Variants in JADE2 observed in about 807,000 individuals in gnomAD.
JADE2 encodes E3 ubiquitin-protein ligase Jade-2.
A neutral mutation model predicts 85.7 loss-of-function variants in JADE2; 13 were observed. The observed-to-expected ratio is 0.15, with a 90% confidence interval of 0.10 to 0.24. The LOEUF (loss-of-function observed/expected upper bound fraction) is 0.24. Ranked by LOEUF, JADE2 falls within the 10% of genes least tolerant of loss-of-function variation. JADE2 has a pLI of 1.00. For missense variants in JADE2, 846 were observed against 1,115.9 expected, an observed-to-expected ratio of 0.76 and a Z score of 3.45; for synonymous variants, 440 against 456.1, an observed-to-expected ratio of 0.96 and a Z score of 0.45.
chr5:134,579,410 C>CACTCAG lies in JADE2; in HGVS notation c.*93_*94insACTCAG. The CACTCAG allele has an allele frequency of 3.0e-6, 3 of 1,016,836 alleles. No individual in the cohort carries two copies. Among genetic ancestry groups the CACTCAG allele is most frequent in the Non-Finnish European group, 4.2e-6 (3 of 715,224 alleles). 63.0% of individuals were successfully genotyped at this position (1,016,836 alleles called of 1,614,324 possible). On this transcript the variant is annotated 3_prime_UTR_variant, in exon 12 of 12. Transcript: ENST00000681547. The surrounding 1 kb of genome is among the most constrained non-coding windows in gnomAD (Gnocchi z 4.6). ...CCATTTCCAGTCTCTGCTGAGTGTC[C>CACTCAG]CAGACCCTCGAGGCTGCCACTCCGT...
At chr5:134,572,829 C>T (rs538827863) in intron 9 of JADE2, among the ~76,000 whole-genome samples, 106 of 152,332 alleles carry the variant, frequency 7.0e-4, no homozygotes, top group African/African-American at 2.4e-3. Flanking sequence ...TAAGAAGGGT[C>T]CATGTCCCAT....
chr5:134,557,040 A>ACACACAC (rs1434184586), intron 4 of JADE2, among the ~76,000 whole-genome samples: 4 of 50,502 alleles, frequency 7.9e-5, no homozygotes, highest in African/African-American at 2.5e-4. Flanking sequence ...CACACACACC[A>ACACACAC]CACACACACC....
At position 134,580,712 on chromosome 5, in the gene JADE2, C is replaced by G. The variant is rs1224662740; in HGVS notation, c.*1395C>G. The stretch of plus-strand genomic sequence containing the variant: ...GCCAAAGAATATTTTGACCATAATA[C>G]AGCACAGCCTGGACCTGACAACTTG... On this transcript the variant is annotated 3_prime_UTR_variant, in exon 12 of 12. Transcript: ENST00000681547. 1 of 152,498 alleles carries G rather than the reference C, an allele frequency of 6.6e-6. No individual in the cohort carries two copies. The highest frequency in any genetic ancestry group is 2.4e-5 in the African/African-American group (1 of 41,408). 9.4% of individuals were successfully genotyped at this position (152,498 alleles called of 1,614,324 possible).
At chr5:134,526,905 C>A (rs924566292) in intron 1 of JADE2, 15 of 398,664 alleles carry the variant, frequency 3.8e-5, no homozygotes, top group Non-Finnish European at 5.1e-5. Context: ...GCGGCGGGTG[C>A]GCGCCCGCGG....
In JADE2 at chr5:134,546,919, A is replaced by G. The variant is rs1762328519; in HGVS notation, c.154-5133A>G. Among the ~76,000 whole-genome samples the G allele has an allele frequency of 2.0e-5, 3 of 152,214 alleles. No individual in the cohort carries two copies. The South Asian group carries it at 6.2e-4, about 32-fold the overall frequency. On this transcript the variant is annotated intron_variant, in intron 3 of 11. Transcript: ENST00000681547. ...ATACAGTAGTTCACCCCTTGAGAAA[A>G]GGAAGCAGAGAACCAAAGTCCCAGG... is the stretch of plus-strand genomic sequence containing the variant.
intron 3 of JADE2, 33 bp from the exon 4 acceptor site, chr5:134,552,019 T>G (rs1428745619): frequency 2.5e-6 from 4 of 1,613,064 alleles, no homozygotes; most frequent in Non-Finnish European, 3.4e-6. Flanking sequence ...TGAGGCAGTC[T>G]GAAGTCACTC....
At position 134,566,229 on chromosome 5, in the gene JADE2, C is replaced by T. The variant is rs752330939; in HGVS notation, c.1083C>T (p.Cys361=). The T allele has an allele frequency of 1.9e-6, 3 of 1,614,032 alleles. No homozygotes were observed. The highest frequency in any genetic ancestry group is 3.3e-5 in the Admixed American group (2 of 60,000). ...DNDEVKFKSF[C]QEHSDGGPRN... Reference sequence around the variant, plus strand: ...ATGAGGTCAAGTTCAAGTCATTCTGCCAGGAGCACAGTGACGGGGGCCCAC... The same window carrying T: ...ATGAGGTCAAGTTCAAGTCATTCTGTCAGGAGCACAGTGACGGGGGCCCAC... Residue 361 remains cysteine, a synonymous_variant, in exon 9 of 12, where the codon TGC becomes TGT. Transcript: ENST00000681547. The surrounding 1 kb of genome is among the most constrained non-coding windows in gnomAD (Gnocchi z 6.7).
Position 134,579,245 on chromosome 5 carries a change from C to T in JADE2, c.2433C>T (p.Asp811=), listed in dbSNP as rs773589132. 47 of 1,613,908 alleles carry T rather than the reference C, an allele frequency of 2.9e-5. No homozygotes were observed. The East Asian group carries it at 7.6e-4, about 26-fold the overall frequency. ...GCGACTCAGATGTAGAGGCCGAGGA[C>T]GGTGGGGTGCAGCGGGGTCCCCGGG... ...EMSDSDVEAE[D]GGVQRGPREA... Residue 811 remains aspartate (D), a synonymous_variant, in exon 12 of 12, where the codon GAC becomes GAT. Coordinates refer to ENST00000681547, the MANE Select transcript of JADE2 (RefSeq NM_001388185.1). The surrounding 1 kb of genome is among the most constrained non-coding windows in gnomAD (Gnocchi z 4.6).
intron 4 of JADE2, among the ~76,000 whole-genome samples, chr5:134,557,143 A>G (rs1422209407): frequency 1.3e-5 from 2 of 152,144 alleles, no homozygotes; most frequent in Non-Finnish European, 2.9e-5. Context: ...GAGTTTTGCA[A>G]ACTTAATCCA....
chr5:134,537,195 GC>G (rs1761647745), intron 2 of JADE2, among the ~76,000 whole-genome samples: 1 of 152,158 alleles, frequency 6.6e-6, no homozygotes, highest in Non-Finnish European at 1.5e-5. Flanking sequence ...CTCCCCACCA[GC>G]CCCCTCCACT....
chr5:134,557,398 A>T (rs1316490002), intron 4 of JADE2, among the ~76,000 whole-genome samples: 30 of 106,924 alleles, frequency 2.8e-4, no homozygotes, highest in Admixed American at 4.1e-4. Context: ...TTTTAATTAT[A>T]CTCTAAGTTT....
Position 134,566,595 on chromosome 5 carries a change from C to G in JADE2, c.1434+15C>G, listed in dbSNP as rs374892061. 6.6e-7 allele frequency: 1 copy of G among 1,526,104 alleles called. No homozygotes were observed. Among genetic ancestry groups the G allele is most frequent in the South Asian group, 1.2e-5 (1 of 81,692 alleles). The allele number at this position is 1,526,104 out of a possible 1,614,324, so 94.5% of individuals were successfully genotyped here. ...ACCTAGAGAGGGTGAGTCCCCATGC[C>G]GCCTGCCCACCCCCTGCCTGGTGGG... is the stretch of plus-strand genomic sequence containing the variant. On this transcript the variant is annotated intron_variant, in intron 9 of 11. Transcript: ENST00000681547. This position sits in a 1 kb window ranked among gnomAD's most constrained non-coding sequence, Gnocchi z 6.7.
At chr5:134,529,552 A>C (rs1448596770) in intron 1 of JADE2, among the ~76,000 whole-genome samples, 1 of 152,214 alleles carries the variant, frequency 6.6e-6, no homozygotes, top group African/African-American at 2.4e-5. Flanking sequence ...TACCTATCTC[A>C]TAGTGGATGT....
chr5:134,538,978 TC>T (rs1173517944), intron 3 of JADE2, among the ~76,000 whole-genome samples: 2 of 151,596 alleles, frequency 1.3e-5, no homozygotes, highest in African/African-American at 4.8e-5. Flanking sequence ...TGCCTCAGCT[TC>T]CCGAGTAGCT....
rs768136283 is a variant in JADE2, at chr5:134,578,908, T to G, written c.2096T>G (p.Leu699Trp). Residue 699 changes from leucine to tryptophan, a missense_variant, in exon 12 of 12, where the codon TTG becomes TGG. This residue lies in a region of JADE2 where 300 missense variants were observed against 300.7 expected (regional missense o/e 1.00). Transcript: ENST00000681547. This position sits in a 1 kb window ranked among gnomAD's most constrained non-coding sequence, Gnocchi z 4.4. Reference sequence around the variant, plus strand: ...CCACCACGTCGGACATCTTCTCACTTGCCGTCCAGCCCTGCAGCCGGGGAC... The same window carrying G: ...CCACCACGTCGGACATCTTCTCACTGGCCGTCCAGCCCTGCAGCCGGGGAC... ...RKPPRRTSSH[L>W]PSSPAAGDCP... 3.7e-6 allele frequency: 6 copies of G among 1,613,652 alleles called. No homozygotes were observed. The highest frequency in any genetic ancestry group is 1.7e-6 in the Non-Finnish European group (2 of 1,180,008).
rs549694310 is a variant in JADE2 at position 134,580,425 on chromosome 5, T to TTCCCCCCCCCCCCCC, written c.*1108_*1109insTCCCCCCCCCCCCCC. 1.4e-5 allele frequency: 1 copy of TTCCCCCCCCCCCCCC among 72,082 alleles called. No homozygotes were observed. Among genetic ancestry groups the TTCCCCCCCCCCCCCC allele is most frequent in the Non-Finnish European group, 2.7e-5 (1 of 37,012 alleles). The allele number at this position is 72,082 out of a possible 1,614,324, so 4.5% of individuals were successfully genotyped here. A position where few individuals can be genotyped will look rare whatever the true frequency, so the allele number is the denominator to read the frequency against. On this transcript the variant is annotated 3_prime_UTR_variant, in exon 12 of 12. Coordinates refer to ENST00000681547, the MANE Select transcript of JADE2 (RefSeq NM_001388185.1). ...TGAGCCTTAACCCCTCGCACAGCCA[T>TTCCCCCCCCCCCCCC]CCCCCCCCCCGTCCTGCCATCCCCC...
In JADE2 at chr5:134,565,190, T is replaced by A. The variant is rs114066434; in HGVS notation, c.969+580T>A. On this transcript the variant is annotated intron_variant, in intron 8 of 11. Coordinates refer to ENST00000681547, the MANE Select transcript of JADE2 (RefSeq NM_001388185.1). ...GGATGTTGATGCCTCAGGTCTATAG[T>A]TTGGGAGTGCAGGGGGGAGTCATCC... is the stretch of plus-strand genomic sequence containing the variant. Among the ~76,000 whole-genome samples, 525 of 152,280 alleles carry A rather than the reference T, an allele frequency of 3.4e-3. 2 individuals are homozygous for A. Among genetic ancestry groups the A allele is most frequent in the African/African-American group, 0.012 (511 of 41,548 alleles).
intron 4 of JADE2, among the ~76,000 whole-genome samples, chr5:134,553,338 CT>C (rs1398467546): frequency 3.7e-4 from 53 of 142,004 alleles, no homozygotes; most frequent in Middle Eastern, 3.7e-3. Context: ...ATATGGCATG[CT>C]TTTTTTTTTC....
chr5:134,541,644 G>T (rs1761967143), intron 3 of JADE2, among the ~76,000 whole-genome samples: 1 of 152,178 alleles, frequency 6.6e-6, no homozygotes, highest in South Asian at 2.1e-4. Context: ...GCCCCTCCTT[G>T]GTGGCTGCAG....
Sources: allele counts gnomAD v4.1 joint callset (sites outside exome capture counted in the v4.1 genomes callset), GRCh38; gene constraint gnomAD v4.1.1; regional missense constraint gnomAD v4.1.1; non-coding constraint Gnocchi (gnomAD v3.1); transcripts MANE v1.5; gene names NCBI Gene and HGNC (gene_info 2026-07-23, HGNC 2026-07-21).